CFAP299: variants seen among roughly 807,000 people sequenced by gnomAD.
The protein encoded by CFAP299 is cilia- and flagella-associated protein 299.
Under a neutral mutation model 27.0 loss-of-function variants are expected in CFAP299, and 21 were observed. The ratio of observed to expected loss-of-function variants is 0.78; its 90% CI spans 0.55 to 1.12. The LOEUF is 1.12. Ranked by LOEUF, CFAP299 falls within the 50% of genes most tolerant of loss-of-function variation. CFAP299 has a pLI of 0.00. For synonymous variants in CFAP299, 104 were observed against 98.1 expected, an observed-to-expected ratio of 1.06 and a Z score of -0.36; for missense variants, 310 against 276.6, an observed-to-expected ratio of 1.12 and a Z score of -0.86.
intron 2 of CFAP299, among the ~76,000 whole-genome samples, chr4:80,486,224 G>A (rs1730812769): frequency 6.6e-6 from 1 of 152,160 alleles, no homozygotes; most frequent in Non-Finnish European, 1.5e-5. Flanking sequence ...ATTTCTGGAA[G>A]GGCACTAAGT....
intron 3 of CFAP299, among the ~76,000 whole-genome samples, chr4:80,673,317 G>C (rs1377542421): frequency 6.6e-6 from 1 of 152,278 alleles, no homozygotes; most frequent in East Asian, 1.9e-4. Flanking sequence ...TAGTTGAGCG[G>C]TTTTGAGTGA....
At chr4:80,606,706 C>T (rs1391185788) in intron 3 of CFAP299, among the ~76,000 whole-genome samples, 1 of 152,016 alleles carries the variant, frequency 6.6e-6, no homozygotes, top group Non-Finnish European at 1.5e-5. Context: ...TAACAACATA[C>T]CTGAATTAGT....
chr4:80,817,416 A>G (rs764409459), intron 3 of CFAP299, among the ~76,000 whole-genome samples: 3 of 152,156 alleles, frequency 2.0e-5, no homozygotes, highest in Admixed American at 1.3e-4. Flanking sequence ...TACAAGATCA[A>G]TATGAATACA....
At chr4:80,421,434 A>G (rs911953693) in intron 2 of CFAP299, among the ~76,000 whole-genome samples, 1 of 152,250 alleles carries the variant, frequency 6.6e-6, no homozygotes, top group Non-Finnish European at 1.5e-5. Context: ...AAAATTTAGA[A>G]AGCCAATAGA....
chr4:80,684,516 C>T (rs575955906), intron 3 of CFAP299, among the ~76,000 whole-genome samples: 3 of 152,258 alleles, frequency 2.0e-5, no homozygotes, highest in East Asian at 1.9e-4. Context: ...CCACCCGCCT[C>T]GGCCTCCCAA....
At chr4:80,758,890 T>G (rs902969694) in intron 3 of CFAP299, among the ~76,000 whole-genome samples, 4 of 152,110 alleles carry the variant, frequency 2.6e-5, no homozygotes, top group Non-Finnish European at 5.9e-5. Context: ...ACAAATTCTA[T>G]TGGTCAAAAT....
intron 2 of CFAP299, among the ~76,000 whole-genome samples, chr4:80,439,978 G>T (rs912722473): frequency 6.6e-6 from 1 of 152,180 alleles, no homozygotes; most frequent in Non-Finnish European, 1.5e-5. Flanking sequence ...CTGCAAAGCC[G>T]CTGTAGTTAA....
At chr4:80,751,973 T>A (rs1299971150) in intron 3 of CFAP299, among the ~76,000 whole-genome samples, 1 of 152,194 alleles carries the variant, frequency 6.6e-6, no homozygotes, top group Non-Finnish European at 1.5e-5. Context: ...TCTCAGTTTC[T>A]GTGGGTGCCT....
rs143122836 is a variant in CFAP299 at position 80,535,494 on chromosome 4, C to CAAAAAAAAAAAAAAAAAAAAAAAAAAA, written c.243-47595_243-47569dup. Among the ~76,000 whole-genome samples, 2 of 33,252 alleles carry CAAAAAAAAAAAAAAAAAAAAAAAAAAA rather than the reference C, an allele frequency of 6.0e-5. 1 individual carries two copies. The allele number at this position is 33,252 out of a possible 152,430, so 21.8% of individuals were successfully genotyped here. On this transcript the variant is annotated intron_variant, in intron 2 of 5. Transcript: ENST00000358105. ...TGGGCGACAGAGCGAGACTCCGTCTCAAAAAAAAAAAAAAAAAAAAAAAAA... is the reference window on the plus strand; with the variant it reads ...TGGGCGACAGAGCGAGACTCCGTCTCAAAAAAAAAAAAAAAAAAAAAAAAAAAAAAAAAAAAAAAAAAAAAAAAAAAA...
intron 2 of CFAP299, among the ~76,000 whole-genome samples, chr4:80,491,219 T>C (rs914155236): frequency 2.6e-5 from 4 of 151,610 alleles, no homozygotes; most frequent in African/African-American, 9.8e-5. Context: ...TTTAAAACAT[T>C]ATAAGGATAG....
At chr4:80,832,750 A>G (rs1419907800) in intron 3 of CFAP299, among the ~76,000 whole-genome samples, 1 of 152,142 alleles carries the variant, frequency 6.6e-6, no homozygotes, top group Non-Finnish European at 1.5e-5. Flanking sequence ...TATTACATAC[A>G]TATAAGTTGT....
intron 3 of CFAP299, among the ~76,000 whole-genome samples, chr4:80,831,783 C>T (rs1730313169): frequency 6.6e-6 from 1 of 152,046 alleles, no homozygotes. Flanking sequence ...GGGGACATAC[C>T]ATTTTAGCAT....
At chr4:80,849,309 C>A (rs1163756375) in intron 3 of CFAP299, among the ~76,000 whole-genome samples, 1 of 152,054 alleles carries the variant, frequency 6.6e-6, no homozygotes, top group East Asian at 1.9e-4. Context: ...TAGTATGGGA[C>A]CCCCATGGTG....
chr4:80,537,026 TA>T (rs1242840640), intron 2 of CFAP299, among the ~76,000 whole-genome samples: 1 of 152,074 alleles, frequency 6.6e-6, no homozygotes, highest in East Asian at 1.9e-4. Context: ...ATAACCTGGT[TA>T]AAAAATGAGC....
At chr4:80,835,743 C>A (rs149090889) in intron 3 of CFAP299, among the ~76,000 whole-genome samples, 121 of 152,252 alleles carry the variant, frequency 7.9e-4, no homozygotes, top group African/African-American at 2.8e-3. Flanking sequence ...CTGCCAACAC[C>A]TTCATAGGGG....
intron 3 of CFAP299, among the ~76,000 whole-genome samples, chr4:80,597,694 CT>C (rs201908056): frequency 4.0e-5 from 6 of 149,194 alleles, no homozygotes; most frequent in African/African-American, 7.4e-5. Context: ...CCTACAATTA[CT>C]TTTTTTTTTA....
At chr4:80,504,555 G>GA (rs909108044) in intron 2 of CFAP299, among the ~76,000 whole-genome samples, 1 of 134,058 alleles carries the variant, frequency 7.5e-6, no homozygotes, top group Admixed American at 8.1e-5. Flanking sequence ...TTCCTCGGGA[G>GA]AAAAAAAATG....
chr4:80,637,563 T>C (rs1274204796), intron 3 of CFAP299, among the ~76,000 whole-genome samples: 1 of 152,022 alleles, frequency 6.6e-6, no homozygotes. Context: ...AAAGAGGAAT[T>C]CCCAGCACTA....
intron 2 of CFAP299, among the ~76,000 whole-genome samples, chr4:80,434,311 G>T (rs995402571): frequency 2.0e-5 from 3 of 152,110 alleles, no homozygotes; most frequent in Non-Finnish European, 4.4e-5. Context: ...CTCCCTTAAT[G>T]AAAGGACTCT....
Sources: allele counts gnomAD v4.1 joint callset (sites outside exome capture counted in the v4.1 genomes callset), GRCh38; gene constraint gnomAD v4.1.1; transcripts MANE v1.5; gene names NCBI Gene and HGNC (gene_info 2026-07-23, HGNC 2026-07-21).